Variants in TDP1 observed in about 807,000 individuals in gnomAD.
The protein encoded by TDP1 is tyrosyl-DNA phosphodiesterase 1.
In TDP1, 64 loss-of-function variants were observed where a neutral mutation model predicts 81.5. That is an observed-to-expected ratio of 0.79 (90% CI 0.64 to 0.97). The LOEUF is 0.97. TDP1 is among the 50% of genes least tolerant of loss of function. TDP1 has a pLI of 0.00. For synonymous variants in TDP1, 256 were observed against 264.3 expected (o/e 0.97, Z 0.30); for missense variants, 723 against 743.8 (o/e 0.97, Z 0.33).
intron 14 of TDP1, among the ~76,000 whole-genome samples, chr14:89,995,792 T>C (rs905231077): frequency 1.3e-5 from 2 of 152,232 alleles, no homozygotes; most frequent in African/African-American, 4.8e-5. Flanking sequence ...CTGTCTCTTA[T>C]TACCAAGCTT....
At chr14:90,006,149 T>C (rs2140199848) in intron 14 of TDP1, among the ~76,000 whole-genome samples, 1 of 152,326 alleles carries the variant, frequency 6.6e-6, no homozygotes, top group South Asian at 2.1e-4. Context: ...TGTCCAAATC[T>C]ATTTGGTGGT....
intron 6 of TDP1, 100 bp from the exon 7 acceptor site, chr14:89,975,681 T>C: frequency 8.2e-7 from 1 of 1,218,742 alleles, no homozygotes; most frequent in Middle Eastern, 2.0e-4. Context: ...AAAAATAGTT[T>C]TAAAAAAAAA....
intron 7 of TDP1, among the ~76,000 whole-genome samples, chr14:89,976,788 C>T (rs1307203732): frequency 5.3e-5 from 8 of 152,018 alleles, no homozygotes; most frequent in Non-Finnish European, 1.2e-4. Context: ...CCACCCTCCT[C>T]TGCCTCCCCA....
intron 14 of TDP1, among the ~76,000 whole-genome samples, chr14:90,000,127 G>A (rs1484939694): frequency 6.6e-6 from 1 of 152,144 alleles, no homozygotes; most frequent in Admixed American, 6.5e-5. Flanking sequence ...TTGGCTGTCA[G>A]CCCGGCGTTC....
rs866697885 is a variant in TDP1 at position 89,998,414 on chromosome 14, A to G, written c.1541+4931A>G. ...TATATATATATATATATATATATAT[A>G]TATATATATGTATGTATGTATGTAT... On this transcript the variant is annotated intron_variant, in intron 14 of 16. Transcript: ENST00000335725. Among the ~76,000 whole-genome samples the G allele has an allele frequency of 4.9e-3, 497 of 100,780 alleles. 29 individuals carry two copies. Among genetic ancestry groups the G allele is most frequent in the African/African-American group, 0.022 (473 of 21,660 alleles). The allele number at this position is 100,780 out of a possible 152,430, so 66.1% of individuals were successfully genotyped here. A position where few individuals can be genotyped will look rare whatever the true frequency, so the allele number is the denominator to read the frequency against.
intron 15 of TDP1, among the ~76,000 whole-genome samples, chr14:90,023,477 T>C (rs1886321433): frequency 6.6e-6 from 1 of 152,210 alleles, no homozygotes; most frequent in Non-Finnish European, 1.5e-5. Context: ...TAAGCAGGGC[T>C]AGTGGTCTTA....
chr14:90,033,940 G>C (rs1010176718), intron 16 of TDP1, among the ~76,000 whole-genome samples: 1 of 152,086 alleles, frequency 6.6e-6, no homozygotes, highest in Admixed American at 6.5e-5. Flanking sequence ...GGTGGATCAT[G>C]CCTGTAGTTC....
At position 89,971,263 on chromosome 14, in the gene TDP1, C is replaced by G. The variant is rs919944217; in HGVS notation, c.748C>G (p.Leu250Val). The part of the protein sequence containing the change: ...AQAKPYENIS[L>V]CQAKLDIAFG... The stretch of plus-strand genomic sequence containing the variant: ...GGCCAAGCCTTACGAGAACATCTCT[C>G]TCTGCCAGGTAAGCCACTTACTGCC... Residue 250 changes from leucine (L) to valine (V), a missense_variant, in exon 6 of 17, where the codon CTC (leucine) becomes GTC (valine). Physicochemically the swap from Leu to Val is conservative, Grantham distance 32 (BLOSUM62 1). Coordinates refer to ENST00000335725, the MANE Select transcript of TDP1 (RefSeq NM_018319.4). The G allele has an allele frequency of 9.9e-6, 16 of 1,613,798 alleles. No individual in the cohort carries two copies. The highest frequency in any genetic ancestry group is 1.7e-5 in the Admixed American group (1 of 60,014).
intron 14 of TDP1, among the ~76,000 whole-genome samples, chr14:90,001,728 C>T (rs1897202731): frequency 1.3e-5 from 2 of 152,174 alleles, no homozygotes; most frequent in African/African-American, 4.8e-5. Context: ...CTTTCAACTT[C>T]TAATTCAAAT....
At chr14:89,955,702 G>C (rs1418530399), upstream of TDP1, 2 of 152,296 alleles carry the variant, frequency 1.3e-5, no homozygotes, top group Admixed American at 1.3e-4. Context: ...TAGTTAACTA[G>C]AGCGAAGTTA....
chr14:89,986,189 G>A (rs193110302), intron 10 of TDP1, among the ~76,000 whole-genome samples: 2 of 152,344 alleles, frequency 1.3e-5, no homozygotes, highest in East Asian at 3.9e-4. Flanking sequence ...AGATCTTGAA[G>A]ACATCTTTAT....
chr14:90,008,296 A>G (rs999945170), intron 14 of TDP1, among the ~76,000 whole-genome samples: 2 of 151,978 alleles, frequency 1.3e-5, no homozygotes, highest in African/African-American at 4.8e-5. Flanking sequence ...CATTCTACCT[A>G]ATTTCTTTAG....
At chr14:89,970,474 G>A (rs1173402314) in intron 5 of TDP1, among the ~76,000 whole-genome samples, 1 of 151,968 alleles carries the variant, frequency 6.6e-6, no homozygotes, top group Non-Finnish European at 1.5e-5. Flanking sequence ...TGAATCCACC[G>A]TGTGGTCCAA....
At chr14:90,005,414 A>T (rs58017722) in intron 14 of TDP1, among the ~76,000 whole-genome samples, 16,479 of 152,034 alleles carry the variant, frequency 0.11, 2,328 homozygotes, top group African/African-American at 0.33. Flanking sequence ...TAAAAAAAAA[A>T]TTTTTTTAAA....
intron 14 of TDP1, among the ~76,000 whole-genome samples, chr14:90,002,915 C>G (rs142743944): frequency 1.3e-3 from 194 of 152,148 alleles, no homozygotes; most frequent in African/African-American, 4.5e-3. Context: ...CTTTTCTAAA[C>G]TAAATATGTG....
intron 8 of TDP1, among the ~76,000 whole-genome samples, chr14:89,981,128 G>T (rs1233549495): frequency 6.6e-6 from 1 of 152,218 alleles, no homozygotes; most frequent in African/African-American, 2.4e-5. Context: ...CAAAGGAAAA[G>T]TTGGGGTAGG....
chr14:90,015,763 A>T (rs546899379), intron 14 of TDP1, among the ~76,000 whole-genome samples: 1 of 152,270 alleles, frequency 6.6e-6, no homozygotes, highest in Non-Finnish European at 1.5e-5. Flanking sequence ...CCCCCTCCTC[A>T]TGACATAATT....
intron 14 of TDP1, among the ~76,000 whole-genome samples, chr14:90,013,034 T>G (rs1425019180): frequency 6.6e-6 from 1 of 152,208 alleles, no homozygotes; most frequent in African/African-American, 2.4e-5. Context: ...TTTCTCCCAT[T>G]TAGAATGGCT....
At chr14:90,022,709 A>T in intron 15 of TDP1, 2 of 982,214 alleles carry the variant, frequency 2.0e-6, no homozygotes, top group Non-Finnish European at 2.4e-6. Flanking sequence ...ATATCACAAC[A>T]TCTATGTTGT....
Sources: allele counts gnomAD v4.1 joint callset (sites outside exome capture counted in the v4.1 genomes callset), GRCh38; gene constraint gnomAD v4.1.1; transcripts MANE v1.5; gene names NCBI Gene and HGNC (gene_info 2026-07-23, HGNC 2026-07-21).